Variants in CAMK2D observed in about 807,000 individuals in gnomAD.
CAMK2D encodes the protein calcium/calmodulin dependent protein kinase II delta, also known as calcium/calmodulin-dependent protein kinase type II subunit delta.
Under a neutral mutation model 84.0 loss-of-function variants are expected in CAMK2D, and 37 were observed. The ratio of observed to expected loss-of-function variants is 0.44; its 90% confidence interval spans 0.34 to 0.58. The LOEUF is 0.58. Among genes scored for constraint, CAMK2D ranks in the 20% least tolerant of loss-of-function variants. The pLI is 0.02. For synonymous variants in CAMK2D, 202 were observed against 212.5 expected (o/e 0.95, Z 0.43); for missense variants, 448 against 652.5 (o/e 0.69, Z 3.41).
At chr4:113,640,013 G>A (rs2099125941) in intron 3 of CAMK2D, among the ~76,000 whole-genome samples, 1 of 151,978 alleles carries the variant, frequency 6.6e-6, no homozygotes, top group Admixed American at 6.6e-5. Context: ...GAAAGTTGAA[G>A]GGAGAACTGC....
chr4:113,721,466 T>G (rs551979259), intron 2 of CAMK2D, among the ~76,000 whole-genome samples: 1 of 152,146 alleles, frequency 6.6e-6, no homozygotes, highest in African/African-American at 2.4e-5. Flanking sequence ...CTACAACCAA[T>G]TGTGTCACTA....
In CAMK2D at chr4:113,489,246, G is replaced by A. The variant is rs569001567; in HGVS notation, c.1135+11217C>T. Among the ~76,000 whole-genome samples the A allele has an allele frequency of 5.3e-3, 795 of 150,062 alleles. 10 individuals are homozygous for A. The highest frequency in any genetic ancestry group is 0.018 in the African/African-American group (724 of 40,810). ...GCTGGTGCGCTGCACCCACTAACTC[G>A]TCATCTAGCATTAGGTATATCTCCC... On this transcript the variant is annotated intron_variant, in intron 16 of 20. Transcript: ENST00000511664.
intron 8 of CAMK2D, 40 bp from the exon 9 acceptor site, chr4:113,517,697 A>AGAC: frequency 3.3e-6 from 3 of 913,146 alleles, no homozygotes; most frequent in Non-Finnish European, 5.4e-6. Flanking sequence ...TAAGTCATAT[A>AGAC]GACAACAGTA....
intron 16 of CAMK2D, among the ~76,000 whole-genome samples, chr4:113,493,326 A>G (rs1193786727): frequency 7.2e-5 from 11 of 152,046 alleles, no homozygotes; most frequent in South Asian, 4.2e-4. Context: ...GAACTCTTGT[A>G]AGGCAGGCCT....
chr4:113,737,415 C>G (rs1562141063), intron 2 of CAMK2D, among the ~76,000 whole-genome samples: 1 of 152,042 alleles, frequency 6.6e-6, no homozygotes, highest in African/African-American at 2.4e-5. Flanking sequence ...ATGCTTCCAC[C>G]TACATGAGGT....
intron 12 of CAMK2D, 61 bp downstream of exon 12, chr4:113,513,267 A>T (rs925693245): frequency 6.3e-7 from 1 of 1,583,370 alleles, no homozygotes; most frequent in Non-Finnish European, 8.6e-7. Context: ...AGAGACAAAA[A>T]AACAGAGACT....
intron 2 of CAMK2D, among the ~76,000 whole-genome samples, chr4:113,709,299 G>A (rs1169310193): frequency 6.6e-6 from 1 of 151,528 alleles, no homozygotes; most frequent in Non-Finnish European, 1.5e-5. Flanking sequence ...GATAAATTAA[G>A]ATTATCATTT....
chr4:113,495,212 T>A lies in CAMK2D; in HGVS notation c.1135+5251A>T, dbSNP rs569352634. ...ACTTGTTGTAAAATCAAATTTTGGA[T>A]TAGAAACCTGAAAGAAGTTATTATA... On this transcript the variant is annotated intron_variant, in intron 16 of 20. Coordinates refer to ENST00000511664, the MANE Select transcript of CAMK2D (RefSeq NM_001321571.2). Among the ~76,000 whole-genome samples, 3 of 152,326 alleles carry A rather than the reference T, an allele frequency of 2.0e-5. No homozygotes were observed. In the South Asian group the frequency reaches 6.2e-4, roughly 32 times the overall value.
chr4:113,576,333 C>T (rs114850592), intron 4 of CAMK2D, among the ~76,000 whole-genome samples: 6,269 of 152,254 alleles, frequency 0.041, 164 homozygotes, highest in South Asian at 0.081. Context: ...CAACCCCTCA[C>T]CTTTTTAAAC....
chr4:113,507,964 C>T (rs1308240833), intron 13 of CAMK2D, among the ~76,000 whole-genome samples: 1 of 152,034 alleles, frequency 6.6e-6, no homozygotes, highest in African/African-American at 2.4e-5. Flanking sequence ...TACAGACATT[C>T]ATTCTGTCAT....
At chr4:113,751,415 C>T (rs530708639) in intron 2 of CAMK2D, among the ~76,000 whole-genome samples, 4 of 152,244 alleles carry the variant, frequency 2.6e-5, no homozygotes, top group South Asian at 4.1e-4. Context: ...ACTATATTTA[C>T]ATTTAATAAG....
chr4:113,695,826 C>A (rs562759094), intron 2 of CAMK2D, among the ~76,000 whole-genome samples: 2 of 152,186 alleles, frequency 1.3e-5, no homozygotes, highest in South Asian at 4.1e-4. Flanking sequence ...TATCCCTGCA[C>A]ACAAAACCTT....
At chr4:113,612,050 A>G (rs1296963424) in intron 3 of CAMK2D, among the ~76,000 whole-genome samples, 1 of 152,164 alleles carries the variant, frequency 6.6e-6, no homozygotes, top group African/African-American at 2.4e-5. Flanking sequence ...ATGAACTGAA[A>G]AAACAGAATT....
intron 16 of CAMK2D, among the ~76,000 whole-genome samples, chr4:113,477,075 C>A (rs1422031686): frequency 6.6e-6 from 1 of 152,106 alleles, no homozygotes; most frequent in Non-Finnish European, 1.5e-5. Context: ...GGATGCCCTG[C>A]AATAACTAAA....
intron 12 of CAMK2D, among the ~76,000 whole-genome samples, chr4:113,511,403 T>C (rs2098212665): frequency 6.6e-6 from 1 of 152,162 alleles, no homozygotes; most frequent in Admixed American, 6.5e-5. Flanking sequence ...AAAAGGAAAC[T>C]GTGAGGTAAA....
At chr4:113,748,945 T>A (rs753123457) in intron 2 of CAMK2D, among the ~76,000 whole-genome samples, 9 of 151,904 alleles carry the variant, frequency 5.9e-5, no homozygotes, top group Non-Finnish European at 1.0e-4. Context: ...CAAATATTAA[T>A]GTTTAGTATT....
intron 4 of CAMK2D, among the ~76,000 whole-genome samples, chr4:113,589,141 G>A (rs2098847266): frequency 6.6e-6 from 1 of 151,996 alleles, no homozygotes; most frequent in African/African-American, 2.4e-5. Flanking sequence ...GGGTCAGAAG[G>A]AGAGCAGTAG....
At chr4:113,663,911 C>G (rs897852200) in intron 2 of CAMK2D, among the ~76,000 whole-genome samples, 9 of 152,128 alleles carry the variant, frequency 5.9e-5, no homozygotes, top group African/African-American at 2.2e-4. Context: ...CTCCAGTTCC[C>G]ACAGAATGTG....
rs76719437 is a variant in CAMK2D at position 113,599,991 on chromosome 4, T to C, written c.275+9161A>G. On this transcript the variant is annotated intron_variant, in intron 4 of 20. Coordinates refer to ENST00000511664, the MANE Select transcript of CAMK2D (RefSeq NM_001321571.2). Reference sequence around the variant, plus strand: ...AGTGGACCTGTGCAGTTCAAACCCATGTTGTCCCAGGGCTGACTTTATTAC... The same window carrying C: ...AGTGGACCTGTGCAGTTCAAACCCACGTTGTCCCAGGGCTGACTTTATTAC... 3.1e-3 allele frequency among the ~76,000 whole-genome samples: 469 copies of C among 152,250 alleles called. 5 individuals are homozygous for C. Among genetic ancestry groups the C allele is most frequent in the African/African-American group, 0.011 (454 of 41,552 alleles).
Sources: gnomAD v4.1 joint callset for allele counts (sites outside exome capture counted in the v4.1 genomes callset) on GRCh38, gnomAD v4.1.1 for gene constraint, MANE v1.5 for transcripts, NCBI Gene and HGNC (gene_info 2026-07-23, HGNC 2026-07-21) for gene names.